Variants in JPH2 observed in about 807,000 individuals in gnomAD.
The protein encoded by JPH2 is junctophilin-2.
Under a neutral mutation model 55.9 loss-of-function variants are expected in JPH2, and 38 were observed. The observed-to-expected ratio is 0.68, with a 90% CI of 0.52 to 0.89. JPH2 has a LOEUF of 0.89. Among genes scored for constraint, JPH2 ranks in the 40% least tolerant of loss-of-function variants. The pLI, the probability that JPH2 is intolerant of heterozygous loss-of-function variation, is 0.00. For synonymous variants in JPH2, 480 were observed against 472.4 expected, an observed-to-expected ratio of 1.02 and a Z score of -0.21; for missense variants, 964 against 1,037.6, an observed-to-expected ratio of 0.93 and a Z score of 0.97.
At chr20:44,136,089 G>A (rs2072411279) in intron 2 of JPH2, among the ~76,000 whole-genome samples, 1 of 152,178 alleles carries the variant, frequency 6.6e-6, no homozygotes, top group South Asian at 2.1e-4. Flanking sequence ...AGCAAGGGAT[G>A]GCAAGTTAGT....
intron 2 of JPH2, among the ~76,000 whole-genome samples, chr20:44,143,208 G>A (rs1021303328): frequency 2.6e-5 from 4 of 152,138 alleles, no homozygotes; most frequent in Non-Finnish European, 5.9e-5. Context: ...AGATGAGGCC[G>A]GTGGGGTAAA....
At chr20:44,144,140 G>A (rs886582035) in intron 2 of JPH2, among the ~76,000 whole-genome samples, 2 of 152,130 alleles carry the variant, frequency 1.3e-5, no homozygotes, top group Non-Finnish European at 2.9e-5. Context: ...ATTTAAAGAC[G>A]GGCTTTATTT....
chr20:44,138,799 G>C (rs149198599), intron 2 of JPH2, among the ~76,000 whole-genome samples: 1 of 151,882 alleles, frequency 6.6e-6, no homozygotes. Flanking sequence ...TACTAGATTT[G>C]TATTTATGGT....
chr20:44,164,158 T>C (rs199594137), intron 1 of JPH2, among the ~76,000 whole-genome samples: 1 of 152,166 alleles, frequency 6.6e-6, no homozygotes, highest in East Asian at 1.9e-4. Flanking sequence ...AATGGGATTG[T>C]ATGACAGGTG....
At chr20:44,137,291 C>T (rs1028602590) in intron 2 of JPH2, among the ~76,000 whole-genome samples, 1 of 148,500 alleles carries the variant, frequency 6.7e-6, no homozygotes, top group African/African-American at 2.5e-5. Context: ...TCTTACAAGG[C>T]CCCAGTCAGC....
chr20:44,115,834 G>A lies in JPH2; in HGVS notation c.1841C>T (p.Pro614Leu), dbSNP rs764193441. The change falls in exon 4 of 6, where the codon CCT becomes CTT. Residue 614 changes from proline (P) to leucine (L), a missense_variant. Pro to Leu is a moderately conservative substitution (Grantham distance 98, BLOSUM62 -3). Coordinates refer to ENST00000372980, the MANE Select transcript of JPH2 (RefSeq NM_020433.5). ...LQAPTLRGPE[P>L]ARETPAKLEP... Reference sequence around the variant, plus strand: ...CAGCTTGGCGGGGGTCTCGCGTGCAGGCTCGGGGCCTCGGAGCGTGGGGGC... The same window carrying A: ...CAGCTTGGCGGGGGTCTCGCGTGCAAGCTCGGGGCCTCGGAGCGTGGGGGC... 1.3e-6 allele frequency: 2 copies of A among 1,598,376 alleles called. No homozygotes were observed. Among genetic ancestry groups the A allele is most frequent in the Non-Finnish European group, 1.7e-6 (2 of 1,176,998 alleles).
chr20:44,134,299 A>ATAATAAATATTTATTATATATG lies in JPH2; in HGVS notation c.1170-15677_1170-15676insCATATATAATAAATATTTATTA, dbSNP rs1555855694. On this transcript the variant is annotated intron_variant, in intron 2 of 5. Transcript: ENST00000372980. ...ATACATATAAATATTTATTATAAAT[A>ATAATAAATATTTATTATATATG]TAATAAATATTTATTATAAATATAT... Among the ~76,000 whole-genome samples, 3 of 36,822 alleles carry ATAATAAATATTTATTATATATG rather than the reference A, an allele frequency of 8.1e-5. 1 individual carries two copies. Among genetic ancestry groups the ATAATAAATATTTATTATATATG allele is most frequent in the African/African-American group, 3.4e-4 (3 of 8,832 alleles). 24.2% of individuals were successfully genotyped at this position (36,822 alleles called of 152,430 possible). A position where few individuals can be genotyped will look rare whatever the true frequency, so the allele number is the denominator to read the frequency against.
intron 2 of JPH2, among the ~76,000 whole-genome samples, chr20:44,155,761 C>T (rs756033043): frequency 6.6e-6 from 1 of 152,184 alleles, no homozygotes; most frequent in African/African-American, 2.4e-5. Flanking sequence ...TTGGGCTGGG[C>T]GTGGTGGCTC....
chr20:44,133,870 T>C (rs150701196), intron 2 of JPH2, among the ~76,000 whole-genome samples: 1,789 of 90,520 alleles, frequency 0.02, 237 homozygotes, highest in African/African-American at 0.043. Flanking sequence ...TACATTATAA[T>C]ATATAAATAT....
intron 1 of JPH2, among the ~76,000 whole-genome samples, chr20:44,176,650 C>T (rs1363111219): frequency 2.6e-5 from 4 of 151,894 alleles, no homozygotes; most frequent in Admixed American, 1.3e-4. Flanking sequence ...AAAAAATTAG[C>T]CAGGCATGGT....
chr20:44,134,726 T>A (rs185755845), intron 2 of JPH2, among the ~76,000 whole-genome samples: 3,051 of 37,610 alleles, frequency 0.081, 646 homozygotes, highest in African/African-American at 0.13. Flanking sequence ...AAATATATAT[T>A]TATTATAAAT....
At chr20:44,126,650 C>T (rs994480828) in intron 2 of JPH2, among the ~76,000 whole-genome samples, 2 of 152,194 alleles carry the variant, frequency 1.3e-5, no homozygotes, top group African/African-American at 4.8e-5. Context: ...CAGGTGCAGT[C>T]AGGGAGCCCT....
intron 2 of JPH2, among the ~76,000 whole-genome samples, chr20:44,128,096 A>G (rs562018112): frequency 4.8e-4 from 73 of 152,294 alleles, no homozygotes; most frequent in Middle Eastern, 3.4e-3. Context: ...TTTGAAGTAC[A>G]AAAGTTATTT....
chr20:44,162,254 A>T lies in JPH2; in HGVS notation c.380-1847T>A, dbSNP rs116005308. 3.2e-3 allele frequency among the ~76,000 whole-genome samples: 481 copies of T among 152,028 alleles called. 6 individuals are homozygous for T. The highest frequency in any genetic ancestry group is 0.028 in the East Asian group (145 of 5,160). ...AGACAACCAAGGATGGGACTCCTAA[A>T]CTCACCCCAGCAGATCTGCTGTTGC... On this transcript the variant is annotated intron_variant, in intron 1 of 5. Transcript: ENST00000372980.
intron 1 of JPH2, chr20:44,177,940 C>T (rs920458675): frequency 6.5e-6 from 9 of 1,378,446 alleles, no homozygotes; most frequent in South Asian, 4.6e-5. Flanking sequence ...TTCATTGTCT[C>T]GACCATATTC....
intron 2 of JPH2, among the ~76,000 whole-genome samples, chr20:44,138,772 A>G (rs2072435642): frequency 6.6e-6 from 1 of 151,848 alleles, no homozygotes; most frequent in African/African-American, 2.4e-5. Flanking sequence ...TTTTTTGGCT[A>G]ACTTTTTCTA....
intron 1 of JPH2, among the ~76,000 whole-genome samples, chr20:44,178,188 G>T (rs959050423): frequency 4.6e-5 from 7 of 152,104 alleles, no homozygotes; most frequent in African/African-American, 1.7e-4. Context: ...AGTTAAAAGA[G>T]ATTCCTTTTC....
At chr20:44,128,649 A>C (rs1033611891) in intron 2 of JPH2, among the ~76,000 whole-genome samples, 3 of 152,180 alleles carry the variant, frequency 2.0e-5, no homozygotes, top group Non-Finnish European at 4.4e-5. Context: ...ATTTTTAAAA[A>C]TAAAAAATTG....
At position 44,186,394 on chromosome 20, in the gene JPH2, GGCACCGCT is replaced by G; in HGVS notation, c.304_311del (p.Ser102GlnfsTer3). 2 of 1,613,542 alleles carry G rather than the reference GGCACCGCT, an allele frequency of 1.2e-6. No individual in the cohort carries two copies. The highest frequency in any genetic ancestry group is 1.7e-6 in the Non-Finnish European group (2 of 1,179,930). On this transcript the variant is annotated frameshift_variant, in exon 1 of 6. Coordinates refer to ENST00000372980, the MANE Select transcript of JPH2 (RefSeq NM_020433.5). LOFTEE classifies it high-confidence loss of function. ...CATTGTTCCAGGTGCCCTCATACTT[GGCACCGCT>G]GCTTGAGCTCTGCCGGATTCCGTAG...
Sources: allele counts gnomAD v4.1 joint callset (sites outside exome capture counted in the v4.1 genomes callset), GRCh38; gene constraint gnomAD v4.1.1; transcripts MANE v1.5; gene names NCBI Gene and HGNC (gene_info 2026-07-23, HGNC 2026-07-21).